RCOR2: variants seen among roughly 807,000 people sequenced by gnomAD.
RCOR2 encodes the protein REST corepressor 2.
In RCOR2, 19 loss-of-function variants were observed where a neutral mutation model predicts 58.9. The ratio of observed to expected loss-of-function variants is 0.32; its 90% confidence interval spans 0.23 to 0.47. The LOEUF (loss-of-function observed/expected upper bound fraction) is 0.47. RCOR2 is among the 20% of genes least tolerant of loss of function. The pLI, the probability that RCOR2 is intolerant of heterozygous loss-of-function variation, is 1.00. For missense variants in RCOR2, 590 were observed against 707.9 expected, an observed-to-expected ratio of 0.83 and a Z score of 1.89; for synonymous variants, 286 against 278.7, an observed-to-expected ratio of 1.03 and a Z score of -0.26.
chr11:63,912,009 G>A lies in RCOR2; in HGVS notation c.1428C>T (p.Leu476=), dbSNP rs748279910. 2 of 1,448,222 alleles carry A rather than the reference G, an allele frequency of 1.4e-6. No individual in the cohort carries two copies. Among genetic ancestry groups the A allele is most frequent in the Admixed American group, 5.6e-5 (2 of 35,638 alleles). 89.7% of individuals were successfully genotyped at this position (1,448,222 alleles called of 1,614,324 possible). The change falls in exon 12 of 12, where the codon CTC becomes CTT. Residue 476 remains leucine (L), a synonymous_variant. Transcript: ENST00000301459. The part of the protein sequence containing the change: ...QPPPLQQGRF[L]QPRLAPNQPP... ...GCTGGTTGGGGGCCAGCCGGGGCTGGAGGAAGCGGCCCTGCTGCAGTGGGG... is the reference window on the plus strand; with the variant it reads ...GCTGGTTGGGGGCCAGCCGGGGCTGAAGGAAGCGGCCCTGCTGCAGTGGGG...
chr11:63,926,779 G>A, the RCOR2 span, among the ~76,000 whole-genome samples: 1 of 119,242 alleles, frequency 8.4e-6, no homozygotes, highest in Non-Finnish European at 1.8e-5. Flanking sequence ...TGCCTGGCCT[G>A]TTTTTTTTTT....
At chr11:63,916,294 G>A (rs1941856128) in intron 1 of RCOR2, 36 bp downstream of exon 1, 2 of 1,563,130 alleles carry the variant, frequency 1.3e-6, no homozygotes, top group Non-Finnish European at 1.7e-6. Context: ...CTCCCCCCAG[G>A]CCGGCGCGCC....
chr11:63,915,887 C>T (rs150625154), intron 1 of RCOR2, among the ~76,000 whole-genome samples: 7 of 152,268 alleles, frequency 4.6e-5, no homozygotes, highest in East Asian at 1.9e-4. Context: ...TGCTTTGTTC[C>T]GGGGGAGGGG....
At chr11:63,923,395 TAA>T in the RCOR2 span, among the ~76,000 whole-genome samples, 9 of 148,648 alleles carry the variant, frequency 6.1e-5, no homozygotes, top group East Asian at 4.0e-4. Flanking sequence ...ATTGCTGCCT[TAA>T]AAAAAAAAAG....
At chr11:63,919,048 G>C (rs1041011460), upstream of RCOR2, among the ~76,000 whole-genome samples, 2 of 152,202 alleles carry the variant, frequency 1.3e-5, no homozygotes, top group Non-Finnish European at 2.9e-5. Flanking sequence ...ACTCTGCTCT[G>C]GAGGTGGGGA....
chr11:63,927,658 G>T, the RCOR2 span, among the ~76,000 whole-genome samples: 2 of 152,110 alleles, frequency 1.3e-5, no homozygotes, highest in African/African-American at 4.8e-5. Context: ...TTTCACAGTG[G>T]CTGATACACA....
Position 63,916,476 on chromosome 11 carries a change from G to A in RCOR2, c.-20C>T. On this transcript the variant is annotated 5_prime_UTR_variant, in exon 1 of 12. Transcript: ENST00000301459. Reference sequence around the variant, plus strand: ...GGGCATTACCCCGCCCAGCTGCCCCGGGGGGCGCAGGAGCCTTCGGAGAGC... The same window carrying A: ...GGGCATTACCCCGCCCAGCTGCCCCAGGGGGCGCAGGAGCCTTCGGAGAGC... 1 of 1,598,560 alleles carries A rather than the reference G, an allele frequency of 6.3e-7. No individual in the cohort carries two copies. Among genetic ancestry groups the A allele is most frequent in the Non-Finnish European group, 8.5e-7 (1 of 1,174,176 alleles).
chr11:63,926,487 C>CTTT, the RCOR2 span, among the ~76,000 whole-genome samples: 1 of 71,540 alleles, frequency 1.4e-5, no homozygotes, highest in African/African-American at 7.2e-5. Flanking sequence ...CTCTCTCTCT[C>CTTT]TCTTTTTTTT....
chr11:63,925,800 C>CAAAA, the RCOR2 span, among the ~76,000 whole-genome samples: 1 of 134,352 alleles, frequency 7.4e-6, no homozygotes. Context: ...GACCCTGTCT[C>CAAAA]AAAAAAAAAA....
rs1389963479 is a variant in RCOR2, at chr11:63,913,182, ATAT to A, written c.892-238_892-236del. The stretch of plus-strand genomic sequence containing the variant: ...ATTTTTTATATATATATATATATAT[ATAT>A]TTTTTTTTTTTTTTTTTTGAGAAGG... On this transcript the variant is annotated intron_variant, in intron 8 of 11. Coordinates refer to ENST00000301459, the MANE Select transcript of RCOR2 (RefSeq NM_173587.4). 8.3e-3 allele frequency among the ~76,000 whole-genome samples: 682 copies of A among 81,690 alleles called. 2 individuals carry two copies. Among genetic ancestry groups the A allele is most frequent in the Non-Finnish European group, 0.012 (457 of 38,078 alleles). The allele number at this position is 81,690 out of a possible 152,430, so 53.6% of individuals were successfully genotyped here.
intron 1 of RCOR2, 45 bp from the exon 2 acceptor site, chr11:63,915,656 CGGGA>C (rs1305023993): frequency 1.0e-4 from 9 of 88,922 alleles, no homozygotes; most frequent in African/African-American, 4.4e-4. Flanking sequence ...GGAGGGCGGG[CGGGA>C]GGGAGGATGT....
rs1242766088 is a variant in RCOR2, at chr11:63,915,273, A to C, written c.185-15T>G. The C allele has an allele frequency of 1.9e-6, 3 of 1,550,274 alleles. No homozygotes were observed. In the Admixed American group the frequency reaches 5.9e-5, roughly 30 times the overall value. ...TGCGGGGCTCTCTGAAAGGCCGAGG[A>C]GCAGGAGGGAAGACACTCAGATCAG... On this transcript the variant is annotated splice_polypyrimidine_tract_variant and intron_variant, in intron 2 of 11. Coordinates refer to ENST00000301459, the MANE Select transcript of RCOR2 (RefSeq NM_173587.4).
chr11:63,927,671 G>T, the RCOR2 span, among the ~76,000 whole-genome samples: 1 of 152,070 alleles, frequency 6.6e-6, no homozygotes, highest in South Asian at 2.1e-4. Flanking sequence ...GATACACAGT[G>T]GGTGCTTAAC....
In RCOR2 at chr11:63,916,521, G is replaced by A. The variant is rs938869214; in HGVS notation, c.-65C>T. ...GAGAGCGACAGTGGTTGCCGCACTC[G>A]CTCCGAGTGCCGAGCCCGGCCCGGC... On this transcript the variant is annotated 5_prime_UTR_variant, in exon 1 of 12. Coordinates refer to ENST00000301459, the MANE Select transcript of RCOR2 (RefSeq NM_173587.4). 4.0e-5 allele frequency: 62 copies of A among 1,534,258 alleles called. No individual in the cohort carries two copies. Among genetic ancestry groups the A allele is most frequent in the Admixed American group, 5.9e-5 (3 of 51,148 alleles).
At position 63,917,002 on chromosome 11, in the gene RCOR2, G is replaced by C. The variant is rs1941868385; in HGVS notation, c.-546C>G. On this transcript the variant is annotated 5_prime_UTR_variant, in exon 1 of 12. Coordinates refer to ENST00000301459, the MANE Select transcript of RCOR2 (RefSeq NM_173587.4). Reference sequence around the variant, plus strand: ...CGGCGGCGGCGACGGCGGCGGGACGGCGCGCACGGCGCGCGGCGCTGGGCA... The same window carrying C: ...CGGCGGCGGCGACGGCGGCGGGACGCCGCGCACGGCGCGCGGCGCTGGGCA... Among the ~76,000 whole-genome samples the C allele has an allele frequency of 6.8e-6, 1 of 146,660 alleles. No homozygotes were observed. Among genetic ancestry groups the C allele is most frequent in the Non-Finnish European group, 1.5e-5 (1 of 65,926 alleles).
In RCOR2 at chr11:63,914,269, T is replaced by C; in HGVS notation, c.667A>G (p.Lys223Glu). The stretch of plus-strand genomic sequence containing the variant: ...AGGCTCTGGGAGCTCACCTCTCTCT[T>C]GGGATCTGCAGGATCGGGCTCTCCC... ...SEGEPDPADPKREPLPSRPLN... is the reference protein window; with the variant it reads ...SEGEPDPADPEREPLPSRPLN... The change falls in exon 7 of 12, where the codon AAG becomes GAG. Residue 223 changes from lysine (K) to glutamate (E), a missense_variant. Coordinates refer to ENST00000301459, the MANE Select transcript of RCOR2 (RefSeq NM_173587.4). 1 of 1,613,496 alleles carries C rather than the reference T, an allele frequency of 6.2e-7. No homozygotes were observed.
At chr11:63,926,787 T>TTTG in the RCOR2 span, among the ~76,000 whole-genome samples, 482 of 147,530 alleles carry the variant, frequency 3.3e-3, 2 homozygotes, top group African/African-American at 8.3e-3. Flanking sequence ...CTGTTTTTTT[T>TTTG]TTTTGTTTTG....
chr11:63,926,596 C>T, the RCOR2 span, among the ~76,000 whole-genome samples: 1 of 151,372 alleles, frequency 6.6e-6, no homozygotes, highest in Non-Finnish European at 1.5e-5. Context: ...AAGCAATTCT[C>T]CGCCTCAGCC....
chr11:63,914,324 C>T lies in RCOR2; in HGVS notation c.612G>A (p.Glu204=), dbSNP rs774904194. The T allele has an allele frequency of 3.7e-6, 6 of 1,613,596 alleles. No homozygotes were observed. Among genetic ancestry groups the T allele is most frequent in the African/African-American group, 1.3e-5 (1 of 75,012 alleles). The change falls in exon 7 of 12, where the codon GAG becomes GAA. Residue 204 remains glutamate (E), a synonymous_variant. Transcript: ENST00000301459. The stretch of plus-strand genomic sequence containing the variant: ...TCACGCCTCCTCGACCCTCTTCGAG[C>T]TCATCACTGCTGACACAGGGGCCAG... The part of the protein sequence containing the change: ...GGRKDKEDSD[E]LEEGRGGVSE...
Sources: gnomAD v4.1 joint callset for allele counts (sites outside exome capture counted in the v4.1 genomes callset) on GRCh38, gnomAD v4.1.1 for gene constraint, MANE v1.5 for transcripts, NCBI Gene and HGNC (gene_info 2026-07-23, HGNC 2026-07-21) for gene names.